MAF: variants seen among roughly 807,000 people sequenced by gnomAD.
MAF encodes the protein MAF bZIP transcription factor, also known as transcription factor Maf.
MAF carries 10 observed loss-of-function variants against 22.0 expected under a neutral mutation model. That is an observed-to-expected ratio of 0.45 (90% CI 0.28 to 0.77). MAF has a LOEUF of 0.77. Ranked by LOEUF, MAF falls within the 30% of genes least tolerant of loss-of-function variation. The pLI is 0.12. For missense variants in MAF, 544 were observed against 548.4 expected (o/e 0.99, Z 0.08); for synonymous variants, 337 against 255.8 (o/e 1.32, Z -3.03).
At chr16:79,556,052 A>C in the MAF span, among the ~76,000 whole-genome samples, 1 of 152,134 alleles carries the variant, frequency 6.6e-6, no homozygotes, top group Non-Finnish European at 1.5e-5. Flanking sequence ...TAGTTTAGTG[A>C]TGATTTGTTT....
chr16:79,250,327 A>G, the MAF span, among the ~76,000 whole-genome samples: 1 of 152,232 alleles, frequency 6.6e-6, no homozygotes, highest in African/African-American at 2.4e-5. Flanking sequence ...TTTCATGCCT[A>G]CGCTTTTAAG....
chr16:79,497,640 G>A, the MAF span, among the ~76,000 whole-genome samples: 1 of 152,222 alleles, frequency 6.6e-6, no homozygotes, highest in Non-Finnish European at 1.5e-5. Context: ...GTGAGGTCTA[G>A]ACCCGTGGGT....
chr16:79,246,758 T>A, the MAF span, among the ~76,000 whole-genome samples: 12 of 152,138 alleles, frequency 7.9e-5, no homozygotes, highest in African/African-American at 2.7e-4. Flanking sequence ...AATTCAACAT[T>A]GGAACTTTAC....
chr16:79,506,068 G>A, the MAF span, among the ~76,000 whole-genome samples: 3 of 152,238 alleles, frequency 2.0e-5, no homozygotes, highest in African/African-American at 7.2e-5. Context: ...CAGGCTATAA[G>A]GAAGGATGTC....
At chr16:79,345,875 AT>A in the MAF span, among the ~76,000 whole-genome samples, 1 of 149,486 alleles carries the variant, frequency 6.7e-6, no homozygotes, top group Non-Finnish European at 1.5e-5. Flanking sequence ...TACTGTAATT[AT>A]TTGTTTACTT....
chr16:79,245,340 G>T, the MAF span, among the ~76,000 whole-genome samples: 1 of 151,924 alleles, frequency 6.6e-6, no homozygotes, highest in Admixed American at 6.6e-5. Context: ...CTAATACCTG[G>T]AATCTACAGA....
chr16:79,269,881 G>T, the MAF span, among the ~76,000 whole-genome samples: 3 of 152,184 alleles, frequency 2.0e-5, no homozygotes, highest in East Asian at 5.8e-4. Context: ...TAGCTCCATC[G>T]TCACCCAAGC....
At chr16:79,569,049 G>T in the MAF span, among the ~76,000 whole-genome samples, 3 of 152,320 alleles carry the variant, frequency 2.0e-5, no homozygotes, top group East Asian at 5.8e-4. Flanking sequence ...TCCTGCCTAA[G>T]TCCCTGCAGG....
rs1913832481 is a variant in MAF at position 79,599,319 on chromosome 16, GGGTGGTGGTGGTGGCCGGCGGCGTGGT to G, written c.557_583del (p.His186_His194del). The stretch of plus-strand genomic sequence containing the variant: ...CGCGGCGCCGGGCGCGCCGGCCGTC[GGGTGGTGGTGGTGGCCGGCGGCGTGGT>G]GGTGGTGGTGGTGGTAGTGCGGGCC... On this transcript the variant is annotated inframe_deletion, in exon 1 of 2. Transcript: ENST00000326043. The G allele has an allele frequency of 1.0e-6, 1 of 984,776 alleles. No individual in the cohort carries two copies. The highest frequency in any genetic ancestry group is 1.2e-6 in the Non-Finnish European group (1 of 831,200). 61.0% of individuals were successfully genotyped at this position (984,776 alleles called of 1,614,324 possible). A position where few individuals can be genotyped will look rare whatever the true frequency, so the allele number is the denominator to read the frequency against.
the MAF span, among the ~76,000 whole-genome samples, chr16:79,472,245 G>A: frequency 4.6e-5 from 7 of 152,248 alleles, no homozygotes; most frequent in South Asian, 1.5e-3. Flanking sequence ...TGCCATTAGA[G>A]ACCCAGCAAT....
At chr16:79,588,085 T>C (rs1912964734) in intron 1 of MAF, among the ~76,000 whole-genome samples, 1 of 152,222 alleles carries the variant, frequency 6.6e-6, no homozygotes, top group Non-Finnish European at 1.5e-5. Flanking sequence ...CACTTGGATC[T>C]GTTTACCTAA....
chr16:79,245,324 A>G, the MAF span, among the ~76,000 whole-genome samples: 2 of 152,076 alleles, frequency 1.3e-5, no homozygotes, highest in East Asian at 3.8e-4. Flanking sequence ...TCCATCTGAC[A>G]AAGGGCTAAT....
chr16:79,468,362 T>G, the MAF span, among the ~76,000 whole-genome samples: 1 of 152,186 alleles, frequency 6.6e-6, no homozygotes, highest in Non-Finnish European at 1.5e-5. Flanking sequence ...TCAACTAAAA[T>G]GCTGACTCTG....
the MAF span, among the ~76,000 whole-genome samples, chr16:79,332,494 T>A: frequency 3.3e-5 from 5 of 152,194 alleles, no homozygotes; most frequent in African/African-American, 1.2e-4. Context: ...GAGATAGAGT[T>A]TCGCCATGTT....
At chr16:79,270,901 T>C in the MAF span, among the ~76,000 whole-genome samples, 4 of 5,114 alleles carry the variant, frequency 7.8e-4, no homozygotes, top group African/African-American at 1.7e-3. Context: ...ATGGCCAGAG[T>C]TTTTTTTTTT....
chr16:79,481,081 T>C, the MAF span, among the ~76,000 whole-genome samples: 1 of 152,174 alleles, frequency 6.6e-6, no homozygotes, highest in African/African-American at 2.4e-5. Context: ...CACCAGAATG[T>C]AAGCTCCATA....
At chr16:79,238,935 C>T in the MAF span, among the ~76,000 whole-genome samples, 1 of 151,862 alleles carries the variant, frequency 6.6e-6, no homozygotes, top group Non-Finnish European at 1.5e-5. Context: ...GTGGGGTAAC[C>T]ACCAGGGGAA....
the MAF span, among the ~76,000 whole-genome samples, chr16:79,220,671 CTT>C: frequency 6.6e-6 from 1 of 152,092 alleles, no homozygotes; most frequent in African/African-American, 2.4e-5. Context: ...TGGGGGAACT[CTT>C]TATTTTCTTA....
chr16:79,567,579 C>T, the MAF span, among the ~76,000 whole-genome samples: 2 of 151,986 alleles, frequency 1.3e-5, no homozygotes, highest in South Asian at 4.1e-4. Context: ...TTTTCCTGTC[C>T]TGATCTGGGT....
Sources: allele counts gnomAD v4.1 joint callset (sites outside exome capture counted in the v4.1 genomes callset), GRCh38; gene constraint gnomAD v4.1.1; transcripts MANE v1.5; gene names NCBI Gene and HGNC (gene_info 2026-07-23, HGNC 2026-07-21).